Variants in COL4A5 observed in about 807,000 individuals in gnomAD.
The protein encoded by COL4A5 is collagen type IV alpha 5 chain, also known as collagen alpha-5(IV) chain.
A neutral mutation model predicts 130.2 loss-of-function variants in COL4A5; 26 were observed. The ratio of observed to expected loss-of-function variants is 0.20; its 90% CI spans 0.15 to 0.28. The LOEUF (loss-of-function observed/expected upper bound fraction) is 0.28. COL4A5 is among the 10% of genes least tolerant of loss of function. The pLI is 1.00. For missense variants in COL4A5, 1,131 were observed against 1,344.3 expected (o/e 0.84, Z 2.48); for synonymous variants, 496 against 439.6 (o/e 1.13, Z -1.60).
intron 52 of COL4A5, chrX:108,695,662 C>G: frequency 2.5e-6 from 1 of 403,121 alleles, no homozygotes; most frequent in Non-Finnish European, 4.4e-6. Context: ...AGTAGTAATC[C>G]TTCAATAATG....
chrX:108,692,266 C>A (rs1415336669), intron 49 of COL4A5, among the ~76,000 whole-genome samples: 2 of 110,891 alleles, frequency 1.8e-5, no homozygotes, highest in Non-Finnish European at 3.8e-5. Flanking sequence ...ACGTATTCTT[C>A]AAACCTGACT....
At chrX:108,664,304 A>C (rs185928877) in intron 37 of COL4A5, among the ~76,000 whole-genome samples, 25 of 112,712 alleles carry the variant, frequency 2.2e-4, no homozygotes, top group African/African-American at 7.7e-4. Context: ...GTATCAAATA[A>C]ATTTTTTAGA....
intron 29 of COL4A5, among the ~76,000 whole-genome samples, chrX:108,607,367 AC>A (rs1320734520): frequency 2.2e-3 from 236 of 108,244 alleles, no homozygotes; most frequent in African/African-American, 7.5e-3. Flanking sequence ...AAAAAAAAAA[AC>A]AATCATATAT....
At chrX:108,667,255 C>A (rs2068101854) in intron 40 of COL4A5, 72 bp downstream of exon 40, 2 of 969,356 alleles carry the variant, frequency 2.1e-6, no homozygotes, top group Non-Finnish European at 2.9e-6. Flanking sequence ...TCTATTTTTC[C>A]ATCTCCACCT....
At chrX:108,495,493 C>G (rs2065027423) in intron 1 of COL4A5, among the ~76,000 whole-genome samples, 1 of 111,066 alleles carries the variant, frequency 9.0e-6, no homozygotes, top group Non-Finnish European at 1.9e-5. Flanking sequence ...CAAAACTGAT[C>G]AGTTCAATAA....
rs780209493 is a variant in COL4A5 at position 108,638,337 on chromosome X, A to G, written c.3246+11988A>G. Among the ~76,000 whole-genome samples, 5 of 111,351 alleles carry G rather than the reference A, an allele frequency of 4.5e-5. No individual in the cohort carries two copies. In the South Asian group the frequency reaches 1.1e-3, roughly 25 times the overall value. On this transcript the variant is annotated intron_variant, in intron 36 of 52. Transcript: ENST00000328300. ...AGGAGAAATCCCACATGATCACTTA[A>G]TTAATGCAAAAAAAAGCATTTGACA... is the stretch of plus-strand genomic sequence containing the variant.
chrX:108,648,128 A>G (rs2067645298), intron 36 of COL4A5, among the ~76,000 whole-genome samples: 1 of 111,092 alleles, frequency 9.0e-6, no homozygotes, highest in Non-Finnish European at 1.9e-5. Flanking sequence ...CTCTTTTTCT[A>G]TTGATTGGAA....
At chrX:108,440,780 T>C (rs2064387414) in intron 1 of COL4A5, among the ~76,000 whole-genome samples, 1 of 112,128 alleles carries the variant, frequency 8.9e-6, no homozygotes, top group African/African-American at 3.2e-5. Flanking sequence ...TTGTTACAAA[T>C]GAAATGCTAA....
At chrX:108,572,670 G>A (rs941942691) in intron 8 of COL4A5, among the ~76,000 whole-genome samples, 5 of 111,163 alleles carry the variant, frequency 4.5e-5, no homozygotes, top group East Asian at 5.6e-4. Flanking sequence ...AACCTCTTAC[G>A]TAGTCTCTAG....
At chrX:108,599,914 A>G (rs1299747204) in intron 25 of COL4A5, among the ~76,000 whole-genome samples, 1 of 112,266 alleles carries the variant, frequency 8.9e-6, no homozygotes, top group Non-Finnish European at 1.9e-5. Flanking sequence ...GGATAAGTGC[A>G]TCTTCCACTT....
intron 17 of COL4A5, 95 bp downstream of exon 17, chrX:108,583,032 A>C: frequency 1.4e-6 from 1 of 707,572 alleles, no homozygotes; most frequent in Non-Finnish European, 2.3e-6. Context: ...AAAAGTCTAC[A>C]TAACTAGCTT....
chrX:108,453,826 A>T (rs1254181676), intron 1 of COL4A5, among the ~76,000 whole-genome samples: 1 of 111,957 alleles, frequency 8.9e-6, no homozygotes, highest in Non-Finnish European at 1.9e-5. Flanking sequence ...TGATAATATG[A>T]TGTGGTAATT....
chrX:108,596,592 A>G (rs56974038), intron 22 of COL4A5, among the ~76,000 whole-genome samples: 10,310 of 111,681 alleles, frequency 0.092, 1,090 homozygotes, highest in African/African-American at 0.3. Flanking sequence ...AAGGACTGGT[A>G]AGGATCTAGG....
intron 36 of COL4A5, among the ~76,000 whole-genome samples, chrX:108,633,854 G>GT (rs1377485691): frequency 6.3e-5 from 7 of 111,653 alleles, no homozygotes; most frequent in South Asian, 3.7e-4. Context: ...AAAAATAAAA[G>GT]TTTTTTTAGC....
At chrX:108,647,873 T>C (rs1239792763) in intron 36 of COL4A5, among the ~76,000 whole-genome samples, 1 of 111,894 alleles carries the variant, frequency 8.9e-6, no homozygotes, top group African/African-American at 3.3e-5. Flanking sequence ...GTTTATATGC[T>C]GGATTACGTT....
At chrX:108,526,499 CTCTT>C (rs1253241258) in intron 1 of COL4A5, among the ~76,000 whole-genome samples, 1 of 107,962 alleles carries the variant, frequency 9.3e-6, no homozygotes, top group African/African-American at 3.4e-5. Context: ...TTCTTTCTTT[CTCTT>C]TCTTTCTTCT....
At chrX:108,628,983 G>T (rs1219230125) in intron 36 of COL4A5, among the ~76,000 whole-genome samples, 4 of 111,803 alleles carry the variant, frequency 3.6e-5, no homozygotes, top group African/African-American at 1.3e-4. Context: ...AGTAAAGCAA[G>T]ACTTGATGAT....
intron 1 of COL4A5, among the ~76,000 whole-genome samples, chrX:108,467,379 C>G (rs1647214691): frequency 8.9e-6 from 1 of 111,857 alleles, no homozygotes; most frequent in South Asian, 3.7e-4. Flanking sequence ...TATGCCAGTA[C>G]CACACTGTTT....
rs776192428 is a variant in COL4A5 at position 108,595,493 on chromosome X, A to G, written c.1424-16A>G. On this transcript the variant is annotated splice_polypyrimidine_tract_variant and intron_variant, in intron 21 of 52. Transcript: ENST00000328300. ...CCCCTTTCAGTAAAATTTGTTTGTT[A>G]TTATGATTTCACTAGGTGACAAAGG... 1 of 1,206,442 alleles carries G rather than the reference A, an allele frequency of 8.3e-7. No individual in the cohort carries two copies.
Sources: gnomAD v4.1 joint callset for allele counts (sites outside exome capture counted in the v4.1 genomes callset) on GRCh38, gnomAD v4.1.1 for gene constraint, MANE v1.5 for transcripts, NCBI Gene and HGNC (gene_info 2026-07-23, HGNC 2026-07-21) for gene names.